Variants in SLC24A3 observed in about 807,000 individuals in gnomAD.
SLC24A3 encodes sodium/potassium/calcium exchanger 3.
In SLC24A3, 28 loss-of-function variants were observed where a neutral mutation model predicts 75.8. That is an observed-to-expected ratio of 0.37 (90% confidence interval 0.27 to 0.51). The LOEUF is 0.51. Among genes scored for constraint, SLC24A3 ranks in the 20% least tolerant of loss-of-function variants. The pLI, the probability that SLC24A3 is intolerant of heterozygous loss-of-function variation, is 0.94. For missense variants in SLC24A3, 663 were observed against 847.8 expected (o/e 0.78, Z 2.71); for synonymous variants, 372 against 334.1 (o/e 1.11, Z -1.24).
At chr20:19,668,173 G>A (rs919562532) in intron 8 of SLC24A3, among the ~76,000 whole-genome samples, 2 of 152,198 alleles carry the variant, frequency 1.3e-5, no homozygotes, top group African/African-American at 4.8e-5. Context: ...GGCTGATGAA[G>A]AGCATTTTGC....
intron 2 of SLC24A3, among the ~76,000 whole-genome samples, chr20:19,304,569 G>A (rs1001726859): frequency 2.0e-5 from 3 of 152,134 alleles, no homozygotes; most frequent in African/African-American, 7.2e-5. Context: ...TGTACATTGG[G>A]TTGTTGTAAG....
chr20:19,475,879 G>A (rs6112404), intron 2 of SLC24A3, among the ~76,000 whole-genome samples: 2,180 of 152,302 alleles, frequency 0.014, 21 homozygotes, highest in Middle Eastern at 0.031. Flanking sequence ...TGTGTTTTGG[G>A]TTTTATTAAA....
At chr20:19,441,233 T>C (rs1987293405) in intron 2 of SLC24A3, among the ~76,000 whole-genome samples, 1 of 152,118 alleles carries the variant, frequency 6.6e-6, no homozygotes, top group African/African-American at 2.4e-5. Flanking sequence ...TCGGTGACCT[T>C]GGTTACGTTA....
At chr20:19,478,344 T>A (rs1320289120) in intron 2 of SLC24A3, among the ~76,000 whole-genome samples, 3 of 152,230 alleles carry the variant, frequency 2.0e-5, no homozygotes, top group African/African-American at 7.2e-5. Flanking sequence ...GGTCTGTAAA[T>A]GAGCTGATAA....
At chr20:19,361,009 A>T (rs2122340126) in intron 2 of SLC24A3, among the ~76,000 whole-genome samples, 1 of 152,196 alleles carries the variant, frequency 6.6e-6, no homozygotes, top group Admixed American at 6.5e-5. Flanking sequence ...TTGTATTTTT[A>T]GTAGAGACGG....
At chr20:19,495,302 T>C (rs192420922) in intron 2 of SLC24A3, among the ~76,000 whole-genome samples, 2 of 152,340 alleles carry the variant, frequency 1.3e-5, no homozygotes, top group Admixed American at 6.5e-5. Flanking sequence ...GTACTTTGCA[T>C]TGGACTGGAT....
intron 2 of SLC24A3, among the ~76,000 whole-genome samples, chr20:19,448,424 G>T (rs1987423083): frequency 6.6e-6 from 1 of 152,168 alleles, no homozygotes; most frequent in Non-Finnish European, 1.5e-5. Context: ...TTTCAGAGAA[G>T]GTCAATGGCT....
intron 4 of SLC24A3, among the ~76,000 whole-genome samples, chr20:19,584,615 C>T (rs1266464518): frequency 5.9e-5 from 9 of 152,212 alleles, no homozygotes; most frequent in Admixed American, 3.9e-4. Context: ...CCCATGGGCC[C>T]ACTCCACTCC....
At chr20:19,554,214 C>T (rs140563487) in intron 3 of SLC24A3, among the ~76,000 whole-genome samples, 1 of 152,218 alleles carries the variant, frequency 6.6e-6, no homozygotes, top group East Asian at 1.9e-4. Context: ...TAAAATGTCA[C>T]ATTAGTATTT....
At chr20:19,458,545 C>G (rs575178351) in intron 2 of SLC24A3, among the ~76,000 whole-genome samples, 1 of 152,308 alleles carries the variant, frequency 6.6e-6, no homozygotes, top group African/African-American at 2.4e-5. Flanking sequence ...TCCCTCCTCC[C>G]TAGCCCCTGG....
chr20:19,468,783 C>A (rs6046118), intron 2 of SLC24A3, among the ~76,000 whole-genome samples: 3,669 of 152,190 alleles, frequency 0.024, 144 homozygotes, highest in African/African-American at 0.084. Context: ...TTGGGTTTAA[C>A]CATGGCCTGA....
At chr20:19,636,637 A>G (rs529846655) in intron 6 of SLC24A3, among the ~76,000 whole-genome samples, 16 of 152,126 alleles carry the variant, frequency 1.1e-4, no homozygotes, top group African/African-American at 3.6e-4. Flanking sequence ...CATCCTATTT[A>G]CCTCCACAGA....
intron 1 of SLC24A3, among the ~76,000 whole-genome samples, chr20:19,215,432 A>G (rs908402530): frequency 1.3e-5 from 2 of 152,140 alleles, no homozygotes; most frequent in Non-Finnish European, 2.9e-5. Context: ...GTAGCTTTGT[A>G]ATATTTATAT....
At chr20:19,583,532 A>C (rs2031249777) in intron 4 of SLC24A3, among the ~76,000 whole-genome samples, 1 of 152,134 alleles carries the variant, frequency 6.6e-6, no homozygotes, top group Admixed American at 6.5e-5. Context: ...GCCAGGGCTG[A>C]AGTGAACTGG....
intron 2 of SLC24A3, among the ~76,000 whole-genome samples, chr20:19,487,381 C>G (rs1988144605): frequency 6.6e-6 from 1 of 152,044 alleles, no homozygotes; most frequent in Non-Finnish European, 1.5e-5. Context: ...TCATATTTAC[C>G]ATTCCATTTT....
chr20:19,341,951 A>G (rs371853841), intron 2 of SLC24A3, among the ~76,000 whole-genome samples: 4 of 152,214 alleles, frequency 2.6e-5, no homozygotes, highest in Admixed American at 6.5e-5. Context: ...ACATTTGTAG[A>G]TACAATACCT....
intron 2 of SLC24A3, among the ~76,000 whole-genome samples, chr20:19,461,966 T>C (rs1281359030): frequency 6.6e-6 from 1 of 152,226 alleles, no homozygotes; most frequent in African/African-American, 2.4e-5. Flanking sequence ...TGGTCAAGGA[T>C]TTGAATTCAG....
chr20:19,546,541 C>T (rs894192918), intron 3 of SLC24A3, among the ~76,000 whole-genome samples: 3 of 152,234 alleles, frequency 2.0e-5, no homozygotes, highest in Admixed American at 6.5e-5. Flanking sequence ...CACTCTTCAC[C>T]TCCTCCCTGC....
chr20:19,444,933 A>G (rs1288409945), intron 2 of SLC24A3, among the ~76,000 whole-genome samples: 1 of 149,764 alleles, frequency 6.7e-6, no homozygotes, highest in Non-Finnish European at 1.5e-5. Context: ...TAGGTTATTG[A>G]TTTTGGATCT....
Sources: allele counts gnomAD v4.1 joint callset (sites outside exome capture counted in the v4.1 genomes callset), GRCh38; gene constraint gnomAD v4.1.1; transcripts MANE v1.5; gene names NCBI Gene and HGNC (gene_info 2026-07-23, HGNC 2026-07-21).